The following PTCH1 variants were observed in gnomAD, a reference collection of about 807,000 sequenced individuals.
PTCH1 encodes the protein protein patched homolog 1.
PTCH1 carries 14 observed loss-of-function variants against 144.6 expected under a neutral mutation model. The observed-to-expected ratio is 0.10, with a 90% CI of 0.06 to 0.15. PTCH1 has a LOEUF of 0.15. Ranked by LOEUF, PTCH1 falls within the 10% of genes least tolerant of loss-of-function variation. The probability of loss-of-function intolerance (pLI) is 1.00; values close to 1 mark genes in which losing one functional copy is unlikely to be tolerated. For missense variants in PTCH1, 1,623 were observed against 1,948.3 expected (o/e 0.83, Z 3.14); for synonymous variants, 833 against 793.6 (o/e 1.05, Z -0.83).
chr9:95,475,992 C>T (rs373517111), intron 12 of PTCH1, 42 bp downstream of exon 12: 58 of 1,611,740 alleles, frequency 3.6e-5, no homozygotes, highest in Non-Finnish European at 4.4e-5. Flanking sequence ...GAAGTCAGTG[C>T]CCCGTTCAGG....
At chr9:95,469,668 G>A in intron 13 of PTCH1, 145 bp downstream of exon 13, 1 of 854,814 alleles carries the variant, frequency 1.2e-6, no homozygotes. Context: ...TAGGGAAGCA[G>A]CCTCTGTCCA....
exon 1 of PTCH1, chr9:95,516,524 G>T: frequency 1.3e-6 from 2 of 1,541,768 alleles, no homozygotes; most frequent in Non-Finnish European, 1.7e-6. Context: ...GCGGACGCTG[G>T]GCTTGGATTT....
chr9:95,446,509 T>C, intron 23 of PTCH1, 118 bp from the exon 24 acceptor site: 1 of 474,810 alleles, frequency 2.1e-6, no homozygotes, highest in Non-Finnish European at 4.2e-6. Flanking sequence ...GAGTGGGGTG[T>C]GGGCCTGAGG....
At chr9:95,469,580 G>A (rs1021959648) in intron 13 of PTCH1, among the ~76,000 whole-genome samples, 4 of 152,094 alleles carry the variant, frequency 2.6e-5, no homozygotes, top group Admixed American at 1.3e-4. Context: ...AGGGGTCATC[G>A]GAACCAGCAT....
intron 2 of PTCH1, among the ~76,000 whole-genome samples, chr9:95,499,457 G>T (rs1467137125): frequency 6.7e-6 from 1 of 149,566 alleles, no homozygotes; most frequent in Non-Finnish European, 1.5e-5. Context: ...GGAAGGAAAT[G>T]ACGTGGGCAG....
At chr9:95,506,331 T>G in intron 2 of PTCH1, 76 bp downstream of exon 2, 1 of 1,497,880 alleles carries the variant, frequency 6.7e-7, no homozygotes, top group Non-Finnish European at 9.1e-7. Flanking sequence ...GCTCTAGGTG[T>G]GCGCTGGCGA....
intron 23 of PTCH1, 30 bp downstream of exon 23, chr9:95,446,881 C>T (rs780306388): frequency 6.2e-7 from 1 of 1,613,048 alleles, no homozygotes; most frequent in Non-Finnish European, 8.5e-7. Context: ...GGCTCTAGGT[C>T]CCTTGGCTGC....
At chr9:95,451,600 T>C (rs1413423038) in intron 20 of PTCH1, 1 of 152,210 alleles carries the variant, frequency 6.6e-6, no homozygotes, top group Non-Finnish European at 1.5e-5. Context: ...ACACCTTGCA[T>C]TTCCCCTGGT....
At chr9:95,499,948 G>A (rs1843039316) in intron 2 of PTCH1, among the ~76,000 whole-genome samples, 2 of 151,526 alleles carry the variant, frequency 1.3e-5, no homozygotes. Context: ...CAGGGCAGAC[G>A]AGTTTCAGCT....
rs1432605045 is a variant in PTCH1 at position 95,449,222 on chromosome 9, C to T, written c.3651G>A (p.Gly1217=). 1.9e-6 allele frequency: 3 copies of T among 1,596,956 alleles called. No homozygotes were observed. The highest frequency in any genetic ancestry group is 2.6e-6 in the Non-Finnish European group (3 of 1,171,870). The change falls in exon 22 of 24, where the codon GGG becomes GGA. Residue 1217 remains glycine, a synonymous_variant. Transcript: ENST00000331920. The surrounding 1 kb of genome is among the most constrained non-coding windows in gnomAD (Gnocchi z 5.3). The part of the protein sequence containing the change: ...FAMPPGHTHS[G]SDSSDSEYSS... ...TATACTCCGAGTCGGAGGAATCAGA[C>T]CCGCTGTGCGTGTGGCCGGGCGGCA...
At chr9:95,465,960 G>A (rs775914399) in intron 15 of PTCH1, among the ~76,000 whole-genome samples, 7 of 152,212 alleles carry the variant, frequency 4.6e-5, no homozygotes, top group Non-Finnish European at 5.9e-5. Flanking sequence ...TCGGTCAGGA[G>A]AAAATTTAGA....
rs768794716 is a variant in PTCH1, at chr9:95,476,173, A to C, written c.1603-14T>G. 6.2e-7 allele frequency: 1 copy of C among 1,608,518 alleles called. No homozygotes were observed. The highest frequency in any genetic ancestry group is 1.1e-5 in the South Asian group (1 of 90,012). ...CCCGGTCCTGTCCTGGGAATAAAAA[A>C]ACACAGCGCTGAGAGCTGCACTGGA... is the stretch of plus-strand genomic sequence containing the variant. On this transcript the variant is annotated splice_polypyrimidine_tract_variant and intron_variant, in intron 11 of 23. Coordinates refer to ENST00000331920, the MANE Select transcript of PTCH1 (RefSeq NM_000264.5). The surrounding 1 kb of genome is among the most constrained non-coding windows in gnomAD (Gnocchi z 4.6).
chr9:95,476,076 G>C lies in PTCH1; in HGVS notation c.1686C>G (p.Ala562=), dbSNP rs2066836. ...SISNVTAFFM[A]ALIPIPALRA... is the part of the protein sequence containing the mutation. Reference sequence around the variant, plus strand: ...GCAGAGCGGGAATTGGGATTAACGCGGCCATGAAGAAGGCTGTGACATTGC... The same window carrying C: ...GCAGAGCGGGAATTGGGATTAACGCCGCCATGAAGAAGGCTGTGACATTGC... Residue 562 remains alanine, a synonymous_variant, in exon 12 of 24, where the codon GCC becomes GCG. Transcript: ENST00000331920. The surrounding 1 kb of genome is among the most constrained non-coding windows in gnomAD (Gnocchi z 4.6). 2 of 1,613,694 alleles carry C rather than the reference G, an allele frequency of 1.2e-6. No homozygotes were observed. Among genetic ancestry groups the C allele is most frequent in the Non-Finnish European group, 1.7e-6 (2 of 1,179,788 alleles).
At chr9:95,481,778 A>C in intron 5 of PTCH1, 171 bp downstream of exon 5, 1 of 665,090 alleles carries the variant, frequency 1.5e-6, no homozygotes, top group Non-Finnish European at 2.6e-6. Context: ...GAGAAAAAAC[A>C]TTCTGCTGAA....
At chr9:95,456,626 G>A (rs1838954768) in intron 18 of PTCH1, among the ~76,000 whole-genome samples, 1 of 152,198 alleles carries the variant, frequency 6.6e-6, no homozygotes, top group Non-Finnish European at 1.5e-5. Context: ...AGCTGTAGAA[G>A]GCAAAGTAGA....
At chr9:95,497,378 T>G (rs1181892813) in intron 2 of PTCH1, among the ~76,000 whole-genome samples, 3 of 152,204 alleles carry the variant, frequency 2.0e-5, no homozygotes, top group Non-Finnish European at 2.9e-5. Flanking sequence ...GACTTCTTAC[T>G]TCAGAAATGC....
chr9:95,456,314 C>T lies in PTCH1; in HGVS notation c.3268G>A (p.Val1090Ile), dbSNP rs775188592. 1 of 1,614,088 alleles carries T rather than the reference C, an allele frequency of 6.2e-7. No individual in the cohort carries two copies. Among genetic ancestry groups the T allele is most frequent in the Non-Finnish European group, 8.5e-7 (1 of 1,180,046 alleles). Residue 1090 changes from valine to isoleucine, a missense_variant, in exon 19 of 24, where the codon GTT becomes ATT. This residue lies in a region of PTCH1 where 504 missense variants were observed against 679.3 expected (regional missense o/e 0.74). Transcript: ENST00000331920. Reference protein sequence around the residue: ...AVPVVILIASVGIGVEFTVHV... With the variant: ...AVPVVILIASIGIGVEFTVHV... The stretch of plus-strand genomic sequence containing the variant: ...ACGGTGAACTCCACTCCTATGCCAA[C>T]AGAAGCGATCAGGATGACCACGGGC...
Position 95,508,364 on chromosome 9 carries a change from TGCCGCCGCCGCC to T in PTCH1, c.-15_-4del, listed in dbSNP as rs71366293. The stretch of plus-strand genomic sequence containing the variant: ...GCGGCGTTACCAGCCGAGGCCATGT[TGCCGCCGCCGCC>T]GCCGCCGCCGCGGGGACGGAGGCTT... On this transcript the variant is annotated 5_prime_UTR_variant, in exon 1 of 24. Coordinates refer to ENST00000331920, the MANE Select transcript of PTCH1 (RefSeq NM_000264.5). The T allele has an allele frequency of 5.2e-4, 601 of 1,163,786 alleles. 6 individuals carry two copies. In the South Asian group the frequency reaches 0.021, roughly 41 times the overall value. The allele number at this position is 1,163,786 out of a possible 1,614,324, so 72.1% of individuals were successfully genotyped here.
chr9:95,446,687 GT>G, intron 23 of PTCH1: 1 of 631,340 alleles, frequency 1.6e-6, no homozygotes. Flanking sequence ...CCCTCCGCAG[GT>G]TAGCAGTGGG....
Sources: allele counts gnomAD v4.1 joint callset (sites outside exome capture counted in the v4.1 genomes callset), GRCh38; gene constraint gnomAD v4.1.1; regional missense constraint gnomAD v4.1.1; non-coding constraint Gnocchi (gnomAD v3.1); transcripts MANE v1.5; gene names NCBI Gene and HGNC (gene_info 2026-07-23, HGNC 2026-07-21).